The following EVI5 variants were observed in gnomAD, a reference collection of about 807,000 sequenced individuals.
EVI5 encodes ecotropic viral integration site 5 protein homolog.
A neutral mutation model predicts 112.0 loss-of-function variants in EVI5; 73 were observed. The ratio of observed to expected loss-of-function variants is 0.65; its 90% CI spans 0.54 to 0.79. EVI5 has a LOEUF of 0.79. Ranked by LOEUF, EVI5 falls within the 30% of genes least tolerant of loss-of-function variation. EVI5 has a pLI of 0.00. For synonymous variants in EVI5, 305 were observed against 319.9 expected, an observed-to-expected ratio of 0.95 and a Z score of 0.50; for missense variants, 900 against 968.8, an observed-to-expected ratio of 0.93 and a Z score of 0.94.
At chr1:92,733,079 A>AG (rs1290613156) in intron 2 of EVI5, 1 of 217,572 alleles carries the variant, frequency 4.6e-6, no homozygotes, top group Non-Finnish European at 9.9e-6. Context: ...GAAAAAAAAA[A>AG]TTAACAGCTA....
intron 19 of EVI5, among the ~76,000 whole-genome samples, chr1:92,536,832 G>A (rs1359560169): frequency 6.6e-6 from 1 of 152,022 alleles, no homozygotes; most frequent in Non-Finnish European, 1.5e-5. Flanking sequence ...ATAGGACACT[G>A]GTAACTTAAA....
Position 92,785,070 on chromosome 1 carries a change from G to C in EVI5, c.-316C>G, listed in dbSNP as rs924814876. The C allele has an allele frequency of 5.1e-6, 5 of 985,510 alleles. No homozygotes were observed. Among genetic ancestry groups the C allele is most frequent in the African/African-American group, 1.7e-5 (1 of 57,336 alleles). The allele number at this position is 985,510 out of a possible 1,614,324, so 61.0% of individuals were successfully genotyped here. On this transcript the variant is annotated 5_prime_UTR_variant, in exon 1 of 20. Coordinates refer to ENST00000684568, the MANE Select transcript of EVI5 (RefSeq NM_001350197.2). ...CAGCCCCTTGCCAGCTGGCCAGCTG[G>C]TTCCTCCGGGGTCCGGCCCGGCCGC...
intron 3 of EVI5, 67 bp from the exon 4 acceptor site, chr1:92,703,686 T>C: frequency 1.1e-6 from 1 of 931,898 alleles, no homozygotes; most frequent in Admixed American, 2.7e-5. Context: ...CAAGGAAGAC[T>C]TATTAGGGGG....
intron 12 of EVI5, among the ~76,000 whole-genome samples, 154 bp from the exon 13 acceptor site, chr1:92,663,019 T>A (rs1322747101): frequency 6.6e-6 from 1 of 150,906 alleles, no homozygotes; most frequent in East Asian, 1.9e-4. Context: ...AGCTAGCAGC[T>A]TGTTATTGCT....
At chr1:92,724,701 G>A (rs1031395895) in intron 2 of EVI5, among the ~76,000 whole-genome samples, 1 of 152,020 alleles carries the variant, frequency 6.6e-6, no homozygotes, top group African/African-American at 2.4e-5. Flanking sequence ...CCAGCTACTC[G>A]GGAGGCAGAG....
At chr1:92,666,815 C>T (rs961299473) in intron 10 of EVI5, among the ~76,000 whole-genome samples, 1 of 152,130 alleles carries the variant, frequency 6.6e-6, no homozygotes, top group Non-Finnish European at 1.5e-5. Flanking sequence ...CATTTCTATA[C>T]ATACTTACCA....
chr1:92,693,055 C>CA (rs1558085409), intron 9 of EVI5, among the ~76,000 whole-genome samples: 2 of 152,050 alleles, frequency 1.3e-5, no homozygotes, highest in Non-Finnish European at 2.9e-5. Context: ...GAAAGTAGTA[C>CA]AAAAAATAAG....
chr1:92,635,728 G>A (rs567127294), intron 14 of EVI5, among the ~76,000 whole-genome samples: 12 of 152,222 alleles, frequency 7.9e-5, no homozygotes, highest in African/African-American at 2.2e-4. Flanking sequence ...GAAATCATTC[G>A]TCTTCTGCGT....
chr1:92,727,971 G>C (rs981992602), intron 2 of EVI5, among the ~76,000 whole-genome samples: 1 of 151,632 alleles, frequency 6.6e-6, no homozygotes, highest in Admixed American at 6.6e-5. Context: ...TCCAGCCTGG[G>C]TGACAGAGTG....
intron 10 of EVI5, among the ~76,000 whole-genome samples, chr1:92,675,682 C>A (rs532792922): frequency 6.6e-6 from 1 of 152,070 alleles, no homozygotes; most frequent in African/African-American, 2.4e-5. Flanking sequence ...TAGGGCTGGA[C>A]GCGGTGGCTC....
chr1:92,633,434 CTTT>C (rs1657656115), intron 14 of EVI5, among the ~76,000 whole-genome samples: 1 of 152,178 alleles, frequency 6.6e-6, no homozygotes, highest in Non-Finnish European at 1.5e-5. Flanking sequence ...TAATGGCCTT[CTTT>C]GTCTCTTTTG....
At chr1:92,732,264 TG>T in intron 2 of EVI5, 1 of 348,676 alleles carries the variant, frequency 2.9e-6, no homozygotes, top group Admixed American at 3.4e-5. Flanking sequence ...AATTTTTGCC[TG>T]AGACACCATC....
At chr1:92,570,191 T>C (rs992644336) in intron 18 of EVI5, among the ~76,000 whole-genome samples, 1 of 152,216 alleles carries the variant, frequency 6.6e-6, no homozygotes, top group South Asian at 2.1e-4. Flanking sequence ...ATATGTGACA[T>C]AAGAAGTGTC....
chr1:92,735,830 AATCTATTATAAT>A (rs1644199566), intron 2 of EVI5, among the ~76,000 whole-genome samples: 1 of 144,582 alleles, frequency 6.9e-6, no homozygotes, highest in South Asian at 2.1e-4. Context: ...ATTATAATAT[AATCTATTATAAT>A]ATATATTATA....
intron 1 of EVI5, among the ~76,000 whole-genome samples, chr1:92,747,199 G>A (rs1570738139): frequency 1.3e-5 from 2 of 152,046 alleles, no homozygotes; most frequent in African/African-American, 4.8e-5. Context: ...CATTGTATTA[G>A]GTATCATAAG....
At chr1:92,661,941 T>G (rs1055755718) in intron 13 of EVI5, among the ~76,000 whole-genome samples, 2 of 152,108 alleles carry the variant, frequency 1.3e-5, no homozygotes, top group Non-Finnish European at 2.9e-5. Flanking sequence ...CAAGAAATAA[T>G]ATGTTTTCAA....
At chr1:92,613,730 A>T (rs1354543277) in intron 16 of EVI5, among the ~76,000 whole-genome samples, 2 of 152,136 alleles carry the variant, frequency 1.3e-5, no homozygotes, top group African/African-American at 2.4e-5. Context: ...CTGGGACTAC[A>T]GGCACATACT....
intron 13 of EVI5, among the ~76,000 whole-genome samples, chr1:92,655,406 A>G (rs959402306): frequency 3.9e-5 from 6 of 152,140 alleles, no homozygotes; most frequent in African/African-American, 2.4e-5. Flanking sequence ...AATGGAGAAA[A>G]AGTCTTTCCC....
chr1:92,595,678 G>A (rs1202270312), intron 18 of EVI5, among the ~76,000 whole-genome samples: 1 of 152,162 alleles, frequency 6.6e-6, no homozygotes, highest in African/African-American at 2.4e-5. Flanking sequence ...GGTATACTGG[G>A]CCTCAAGTAC....
Sources: gnomAD v4.1 joint callset for allele counts (sites outside exome capture counted in the v4.1 genomes callset) on GRCh38, gnomAD v4.1.1 for gene constraint, MANE v1.5 for transcripts, NCBI Gene and HGNC (gene_info 2026-07-23, HGNC 2026-07-21) for gene names.